The following STARD13 variants were observed in gnomAD, a reference collection of about 807,000 sequenced individuals.
The protein encoded by STARD13 is StAR related lipid transfer domain containing 13.
Under a neutral mutation model 106.4 loss-of-function variants are expected in STARD13, and 62 were observed. That is an observed-to-expected ratio of 0.58 (90% confidence interval 0.48 to 0.72). The LOEUF (loss-of-function observed/expected upper bound fraction) is 0.72. Among genes scored for constraint, STARD13 ranks in the 30% least tolerant of loss-of-function variants. The pLI is 0.00. For synonymous variants in STARD13, 565 were observed against 553.0 expected (o/e 1.02, Z -0.31); for missense variants, 1,387 against 1,424.0 (o/e 0.97, Z 0.42).
At chr13:33,240,007 A>G (rs1889389046) in intron 1 of STARD13, among the ~76,000 whole-genome samples, 1 of 152,130 alleles carries the variant, frequency 6.6e-6, no homozygotes, top group Non-Finnish European at 1.5e-5. Flanking sequence ...TCCTTCCAGA[A>G]ATTTTATAGT....
chr13:33,603,062 T>C, the STARD13 span, among the ~76,000 whole-genome samples: 1 of 152,154 alleles, frequency 6.6e-6, no homozygotes, highest in Non-Finnish European at 1.5e-5. Flanking sequence ...AAAGGATCCC[T>C]CGGGCCAAGG....
the STARD13 span, among the ~76,000 whole-genome samples, chr13:33,571,411 T>C: frequency 2.0e-5 from 3 of 152,126 alleles, no homozygotes; most frequent in Admixed American, 6.6e-5. Context: ...AGTGTGTAGA[T>C]AGTTAAAAAT....
chr13:33,625,463 G>C, the STARD13 span, among the ~76,000 whole-genome samples: 2 of 151,834 alleles, frequency 1.3e-5, no homozygotes, highest in African/African-American at 4.8e-5. Context: ...CCAGCTACTC[G>C]GGAGGCTGAG....
the STARD13 span, among the ~76,000 whole-genome samples, chr13:33,674,454 G>A: frequency 6.6e-6 from 1 of 152,184 alleles, no homozygotes; most frequent in African/African-American, 2.4e-5. Context: ...GCTCTGTAAT[G>A]GTGTGGTTTC....
the STARD13 span, among the ~76,000 whole-genome samples, chr13:33,493,545 A>G: frequency 6.6e-6 from 1 of 152,222 alleles, no homozygotes; most frequent in African/African-American, 2.4e-5. Flanking sequence ...TAAGTAATAA[A>G]TAATACAGAA....
At chr13:33,233,648 C>A (rs1594141625) in intron 1 of STARD13, among the ~76,000 whole-genome samples, 1 of 152,246 alleles carries the variant, frequency 6.6e-6, no homozygotes, top group Non-Finnish European at 1.5e-5. Context: ...GTAACACCAG[C>A]CCTTTGCCCT....
the STARD13 span, among the ~76,000 whole-genome samples, chr13:33,641,613 G>T: frequency 6.6e-6 from 1 of 152,024 alleles, no homozygotes; most frequent in Non-Finnish European, 1.5e-5. Context: ...TACTTCTGAG[G>T]TCTTCATTTT....
At chr13:33,465,554 A>C in the STARD13 span, among the ~76,000 whole-genome samples, 1 of 152,066 alleles carries the variant, frequency 6.6e-6, no homozygotes, top group African/African-American at 2.4e-5. Flanking sequence ...AATACATCAG[A>C]TAATGTTCCT....
the STARD13 span, among the ~76,000 whole-genome samples, chr13:33,469,417 A>G: frequency 6.6e-6 from 1 of 152,160 alleles, no homozygotes; most frequent in Admixed American, 6.5e-5. Context: ...TGAGAGATGT[A>G]TTCAACATTT....
At chr13:33,350,220 G>A (rs1646156905) in intron 1 of STARD13, 2 of 1,447,642 alleles carry the variant, frequency 1.4e-6, no homozygotes, top group Non-Finnish European at 1.8e-6. Context: ...GGAGGGCGGC[G>A]GGCCCGGGCG....
the STARD13 span, among the ~76,000 whole-genome samples, chr13:33,499,594 CTTCTTCTTCTTTCTTCTTCTTCTTCTT>C: frequency 6.6e-5 from 4 of 60,788 alleles, no homozygotes; most frequent in East Asian, 9.0e-4. Flanking sequence ...TCTTCTTCTT[CTTCTTCTTCTTTCTTCTTCTTCTTCTT>C]CTTCTTCTTC....
intron 1 of STARD13, among the ~76,000 whole-genome samples, chr13:33,237,906 A>G (rs1384001793): frequency 6.6e-6 from 1 of 152,258 alleles, no homozygotes; most frequent in African/African-American, 2.4e-5. Flanking sequence ...CACTGTCTGA[A>G]GAAATGTTTC....
chr13:33,441,581 A>C, the STARD13 span, among the ~76,000 whole-genome samples: 1 of 152,220 alleles, frequency 6.6e-6, no homozygotes, highest in Non-Finnish European at 1.5e-5. Flanking sequence ...TGTAGCAGAG[A>C]AAAGGTATAC....
chr13:33,127,884 TGA>T (rs1313175923), intron 5 of STARD13, among the ~76,000 whole-genome samples: 11 of 149,544 alleles, frequency 7.4e-5, no homozygotes, highest in Admixed American at 2.0e-4. Flanking sequence ...TGTGTGTATG[TGA>T]GAGAGAGAGA....
chr13:33,632,799 A>C, the STARD13 span, among the ~76,000 whole-genome samples: 22 of 151,330 alleles, frequency 1.5e-4, no homozygotes, highest in South Asian at 1.2e-3. Context: ...TCACTATGCC[A>C]TGATGTTCTA....
chr13:33,399,289 C>G, the STARD13 span, among the ~76,000 whole-genome samples: 2 of 152,070 alleles, frequency 1.3e-5, no homozygotes, highest in Non-Finnish European at 2.9e-5. Context: ...AAGTTGAACT[C>G]TCAAGCAGAG....
At chr13:33,431,389 G>A in the STARD13 span, among the ~76,000 whole-genome samples, 828 of 152,082 alleles carry the variant, frequency 5.4e-3, 5 homozygotes, top group Non-Finnish European at 9.0e-3. Context: ...TAAATAAAAT[G>A]TTATTAAAAT....
At chr13:33,515,303 T>C in the STARD13 span, among the ~76,000 whole-genome samples, 1 of 152,216 alleles carries the variant, frequency 6.6e-6, no homozygotes, top group Non-Finnish European at 1.5e-5. Flanking sequence ...ATTTACAAGA[T>C]ATGCTGCCAA....
the STARD13 span, among the ~76,000 whole-genome samples, chr13:33,594,801 A>G: frequency 1.3e-5 from 2 of 152,332 alleles, no homozygotes; most frequent in African/African-American, 2.4e-5. Flanking sequence ...ACTGAGCAGA[A>G]TATCTTTAAG....
Sources: allele counts gnomAD v4.1 joint callset (sites outside exome capture counted in the v4.1 genomes callset), GRCh38; gene constraint gnomAD v4.1.1; transcripts MANE v1.5; gene names NCBI Gene and HGNC (gene_info 2026-07-23, HGNC 2026-07-21).